ATP6V1B2: variants seen among roughly 807,000 people sequenced by gnomAD.
ATP6V1B2 encodes the protein V-type proton ATPase subunit B, brain isoform.
Under a neutral mutation model 66.7 loss-of-function variants are expected in ATP6V1B2, and 23 were observed. That is an observed-to-expected ratio of 0.34 (90% CI 0.25 to 0.49). The LOEUF (loss-of-function observed/expected upper bound fraction) is 0.49, where lower values mean the gene tolerates loss of function less well. Ranked by LOEUF, ATP6V1B2 falls within the 20% of genes least tolerant of loss-of-function variation. The pLI, the probability that ATP6V1B2 is intolerant of heterozygous loss-of-function variation, is 0.99. For synonymous variants in ATP6V1B2, 278 were observed against 236.7 expected (o/e 1.17, Z -1.60); for missense variants, 478 against 650.8 (o/e 0.73, Z 2.89).
In ATP6V1B2 at chr8:20,220,638, G is replaced by A; in HGVS notation, c.*236G>A. 3 of 481,972 alleles carry A rather than the reference G, an allele frequency of 6.2e-6. No individual in the cohort carries two copies. The highest frequency in any genetic ancestry group is 1.0e-5 in the Non-Finnish European group (3 of 290,732). 29.9% of individuals were successfully genotyped at this position (481,972 alleles called of 1,614,324 possible). A position where few individuals can be genotyped will look rare whatever the true frequency, so the allele number is the denominator to read the frequency against. On this transcript the variant is annotated 3_prime_UTR_variant, in exon 14 of 14. Transcript: ENST00000276390. ...ATGTTTAAAGTGCTGCAGGGATGGAGTGGCGTTTTCTTATTGCTGTATGTA... is the reference window on the plus strand; with the variant it reads ...ATGTTTAAAGTGCTGCAGGGATGGAATGGCGTTTTCTTATTGCTGTATGTA...
intron 8 of ATP6V1B2, among the ~76,000 whole-genome samples, chr8:20,212,515 G>A (rs1483003951): frequency 2.0e-5 from 3 of 152,106 alleles, no homozygotes; most frequent in African/African-American, 7.2e-5. Context: ...CAAAAATCTG[G>A]CTTTCATTTG....
chr8:20,204,614 A>C, intron 2 of ATP6V1B2, 75 bp downstream of exon 2: 1 of 1,317,632 alleles, frequency 7.6e-7, no homozygotes. Flanking sequence ...TATACTTTAA[A>C]TTTTTGTTAT....
In ATP6V1B2 at chr8:20,209,536, G is replaced by A; in HGVS notation, c.291+5G>A. 1 of 1,612,560 alleles carries A rather than the reference G, an allele frequency of 6.2e-7. No individual in the cohort carries two copies. The highest frequency in any genetic ancestry group is 2.2e-5 in the East Asian group (1 of 44,854). ...GGTTCCAAGGCAGTAGTTCAGGTAA[G>A]TTTCAGCTGGCCAGCTGAACTGTTT... On this transcript the variant is annotated splice_donor_5th_base_variant and intron_variant, in intron 3 of 13. Coordinates refer to ENST00000276390, the MANE Select transcript of ATP6V1B2 (RefSeq NM_001693.4).
intron 12 of ATP6V1B2, 73 bp downstream of exon 12, chr8:20,217,397 C>T: frequency 1.6e-6 from 2 of 1,277,236 alleles, no homozygotes; most frequent in East Asian, 2.3e-5. Flanking sequence ...TCTTGTCTTT[C>T]ACCCTTACCA....
At chr8:20,206,892 G>C (rs916371377) in intron 2 of ATP6V1B2, among the ~76,000 whole-genome samples, 1 of 152,096 alleles carries the variant, frequency 6.6e-6, no homozygotes, top group Admixed American at 6.5e-5. Flanking sequence ...GTGCTATGGG[G>C]AAAAGAAATT....
intron 2 of ATP6V1B2, among the ~76,000 whole-genome samples, chr8:20,207,685 A>G: frequency 6.6e-6 from 1 of 152,210 alleles, no homozygotes; most frequent in Non-Finnish European, 1.5e-5. Flanking sequence ...TATTATGTAA[A>G]AAGTGTTGTG....
intron 1 of ATP6V1B2, among the ~76,000 whole-genome samples, chr8:20,200,002 G>C (rs2072668983): frequency 1.3e-5 from 2 of 151,440 alleles, no homozygotes; most frequent in African/African-American, 4.9e-5. Flanking sequence ...TATTGTGTGT[G>C]TGTGTGTGTG....
At chr8:20,218,345 C>T in intron 13 of ATP6V1B2, 63 bp downstream of exon 13, 1 of 1,573,218 alleles carries the variant, frequency 6.4e-7, no homozygotes, top group Non-Finnish European at 8.6e-7. Context: ...AACTGCTTTC[C>T]AAGCCTAAGA....
chr8:20,220,712 G>T lies in ATP6V1B2; in HGVS notation c.*310G>T, dbSNP rs1231554362. ...TACCTGATAACAGTCTTGTTATTTGGGTCTCTTAGACCTTACCTCTCAACT... is the reference window on the plus strand; with the variant it reads ...TACCTGATAACAGTCTTGTTATTTGTGTCTCTTAGACCTTACCTCTCAACT... On this transcript the variant is annotated 3_prime_UTR_variant, in exon 14 of 14. Transcript: ENST00000276390. The T allele has an allele frequency of 9.3e-6, 2 of 214,826 alleles. No homozygotes were observed. The highest frequency in any genetic ancestry group is 1.1e-4 in the East Asian group (1 of 9,066). 13.3% of individuals were successfully genotyped at this position (214,826 alleles called of 1,614,324 possible).
At chr8:20,217,037 C>T (rs2072861558) in intron 11 of ATP6V1B2, 183 bp from the exon 12 acceptor site, 1 of 581,670 alleles carries the variant, frequency 1.7e-6, no homozygotes, top group Non-Finnish European at 3.1e-6. Context: ...AAATGCTATG[C>T]TATAAAGTGT....
At chr8:20,209,770 G>C (rs2072774733) in intron 3 of ATP6V1B2, among the ~76,000 whole-genome samples, 1 of 152,180 alleles carries the variant, frequency 6.6e-6, no homozygotes, top group African/African-American at 2.4e-5. Flanking sequence ...TGTAGAAGGA[G>C]AGAGATGAAA....
rs150442705 is a variant in ATP6V1B2, at chr8:20,212,788, G to A, written c.810G>A (p.Glu270=). The change falls in exon 9 of 14, where the codon GAG becomes GAA. Residue 270 remains glutamate, a synonymous_variant. Coordinates refer to ENST00000276390, the MANE Select transcript of ATP6V1B2 (RefSeq NM_001693.4). Reference sequence around the variant, plus strand: ...ACTTAATGTTCCCTTTCAGCATTGAGCGAATTATCACTCCTCGCCTGGCTC... The same window carrying A: ...ACTTAATGTTCCCTTTCAGCATTGAACGAATTATCACTCCTCGCCTGGCTC... ...FLNLANDPTI[E]RIITPRLALT... The A allele has an allele frequency of 2.6e-5, 42 of 1,613,258 alleles. No homozygotes were observed. Among genetic ancestry groups the A allele is most frequent in the Non-Finnish European group, 3.4e-5 (40 of 1,179,676 alleles).
chr8:20,220,093 C>A (rs2072893271), intron 13 of ATP6V1B2, among the ~76,000 whole-genome samples, 170 bp from the exon 14 acceptor site: 1 of 152,162 alleles, frequency 6.6e-6, no homozygotes, highest in Admixed American at 6.5e-5. Flanking sequence ...TTATGATACT[C>A]ACTGTCTGTG....
chr8:20,197,985 G>T (rs1205601200), intron 1 of ATP6V1B2, among the ~76,000 whole-genome samples: 1 of 152,228 alleles, frequency 6.6e-6, no homozygotes, highest in Non-Finnish European at 1.5e-5. Context: ...CCTGCGGAGG[G>T]CAGACGGTAG....
In ATP6V1B2 at chr8:20,210,457, A is replaced by G; in HGVS notation, c.385+18A>G. The G allele has an allele frequency of 6.2e-7, 1 of 1,610,446 alleles. No homozygotes were observed. The highest frequency in any genetic ancestry group is 8.5e-7 in the Non-Finnish European group (1 of 1,176,870). On this transcript the variant is annotated intron_variant, in intron 4 of 13. Coordinates refer to ENST00000276390, the MANE Select transcript of ATP6V1B2 (RefSeq NM_001693.4). ...TATGCTTGGTAAATGGATATTATTC[A>G]TTCTAAGCCGAGATCTGTTTCCTTT...
chr8:20,204,030 A>T, intron 1 of ATP6V1B2: 1 of 455,332 alleles, frequency 2.2e-6, no homozygotes, highest in Non-Finnish European at 4.4e-6. Flanking sequence ...CCCTTTCCTC[A>T]TCTACTTAGC....
Position 20,221,026 on chromosome 8 carries a change from C to G in ATP6V1B2, c.*624C>G, listed in dbSNP as rs1344657946. 1.3e-5 allele frequency: 2 copies of G among 152,126 alleles called. No individual in the cohort carries two copies. The highest frequency in any genetic ancestry group is 4.8e-5 in the African/African-American group (2 of 41,418). 9.4% of individuals were successfully genotyped at this position (152,126 alleles called of 1,614,324 possible). A position where few individuals can be genotyped will look rare whatever the true frequency, so the allele number is the denominator to read the frequency against. ...TCCTGTGTCTTACAGCTCTCCCTCTCCAAATAATACACAGAATCCTGCAAC... is the reference window on the plus strand; with the variant it reads ...TCCTGTGTCTTACAGCTCTCCCTCTGCAAATAATACACAGAATCCTGCAAC... On this transcript the variant is annotated 3_prime_UTR_variant, in exon 14 of 14. Transcript: ENST00000276390.
At chr8:20,199,097 A>T (rs1301956435) in intron 1 of ATP6V1B2, among the ~76,000 whole-genome samples, 1 of 152,246 alleles carries the variant, frequency 6.6e-6, no homozygotes, top group Non-Finnish European at 1.5e-5. Flanking sequence ...GAGAATATCA[A>T]CTGAAATAAC....
intron 9 of ATP6V1B2, 173 bp downstream of exon 9, chr8:20,213,078 A>G: frequency 1.3e-6 from 1 of 789,408 alleles, no homozygotes; most frequent in Non-Finnish European, 2.0e-6. Context: ...AACTTGGTAG[A>G]AGTGATTAGA....
Sources: gnomAD v4.1 joint callset for allele counts (sites outside exome capture counted in the v4.1 genomes callset) on GRCh38, gnomAD v4.1.1 for gene constraint, MANE v1.5 for transcripts, NCBI Gene and HGNC (gene_info 2026-07-23, HGNC 2026-07-21) for gene names.